Variants in VAV3 observed in about 807,000 individuals in gnomAD.
The protein encoded by VAV3 is vav guanine nucleotide exchange factor 3, also known as guanine nucleotide exchange factor VAV3.
Under a neutral mutation model 131.2 loss-of-function variants are expected in VAV3, and 94 were observed. The ratio of observed to expected loss-of-function variants is 0.72; its 90% CI spans 0.61 to 0.85. The LOEUF (loss-of-function observed/expected upper bound fraction) is 0.85. Among genes scored for constraint, VAV3 ranks in the 40% least tolerant of loss-of-function variants. VAV3 has a pLI of 0.00. For synonymous variants in VAV3, 349 were observed against 342.0 expected, an observed-to-expected ratio of 1.02 and a Z score of -0.22; for missense variants, 939 against 1,002.7, an observed-to-expected ratio of 0.94 and a Z score of 0.86.
At chr1:107,759,788 C>T (rs887703658) in intron 10 of VAV3, among the ~76,000 whole-genome samples, 2 of 151,928 alleles carry the variant, frequency 1.3e-5, no homozygotes, top group Non-Finnish European at 2.9e-5. Flanking sequence ...AAAAGCTGTA[C>T]CTTCTAAATT....
In VAV3 at chr1:107,910,820, A is replaced by G. The variant is rs577747483; in HGVS notation, c.205-35803T>C. On this transcript the variant is annotated intron_variant, in intron 1 of 26. Transcript: ENST00000370056. Reference sequence around the variant, plus strand: ...CATAGCAAAACCCCATCTCTACTAAAAATACTAAAATTAGCCGGGCATAAT... The same window carrying G: ...CATAGCAAAACCCCATCTCTACTAAGAATACTAAAATTAGCCGGGCATAAT... 5.9e-5 allele frequency among the ~76,000 whole-genome samples: 9 copies of G among 152,206 alleles called. No individual in the cohort carries two copies. The East Asian group carries it at 1.7e-3, about 30-fold the overall frequency.
At chr1:107,903,319 T>C (rs1671957736) in intron 1 of VAV3, among the ~76,000 whole-genome samples, 1 of 152,114 alleles carries the variant, frequency 6.6e-6, no homozygotes, top group South Asian at 2.1e-4. Context: ...ATCTTTGAAG[T>C]AATGAATGTA....
intron 15 of VAV3, among the ~76,000 whole-genome samples, chr1:107,738,480 C>G (rs1308463068): frequency 2.6e-5 from 4 of 152,168 alleles, no homozygotes; most frequent in Non-Finnish European, 5.9e-5. Context: ...GTGAAATGCA[C>G]AATACATAGT....
intron 11 of VAV3, among the ~76,000 whole-genome samples, chr1:107,756,977 A>C (rs1032285287): frequency 1.3e-5 from 2 of 152,032 alleles, no homozygotes; most frequent in Non-Finnish European, 2.9e-5. Flanking sequence ...TGATTTTAAT[A>C]TACTTCTTAG....
intron 19 of VAV3, chr1:107,668,886 T>C (rs971604633): frequency 2.0e-6 from 2 of 985,692 alleles, no homozygotes; most frequent in African/African-American, 3.5e-5. Context: ...CAGTATCTTA[T>C]TACAGAGGCA....
At chr1:107,643,205 T>C (rs1221198466) in intron 19 of VAV3, among the ~76,000 whole-genome samples, 2 of 152,180 alleles carry the variant, frequency 1.3e-5, no homozygotes, top group Non-Finnish European at 2.9e-5. Context: ...ATATGGATCA[T>C]ATCTTAAGGT....
rs928790633 is a variant in VAV3, at chr1:107,609,841, G to A, written c.2015+90C>T. The A allele has an allele frequency of 7.7e-6, 10 of 1,294,164 alleles. No homozygotes were observed. The East Asian group carries it at 1.9e-4, about 24-fold the overall frequency. 80.2% of individuals were successfully genotyped at this position (1,294,164 alleles called of 1,614,324 possible). On this transcript the variant is annotated intron_variant, in intron 22 of 26. Coordinates refer to ENST00000370056, the MANE Select transcript of VAV3 (RefSeq NM_006113.5). ...CCTTTAGCCGAGACAAATGGAAATG[G>A]AATATGGTTTACTACCCCCACATTT...
At chr1:107,759,486 GA>G (rs1664299356) in intron 10 of VAV3, among the ~76,000 whole-genome samples, 1 of 152,058 alleles carries the variant, frequency 6.6e-6, no homozygotes, top group African/African-American at 2.4e-5. Flanking sequence ...AGTCTAAACT[GA>G]TAACCACATT....
intron 22 of VAV3, among the ~76,000 whole-genome samples, chr1:107,607,902 T>C (rs1652421023): frequency 6.6e-6 from 1 of 152,222 alleles, no homozygotes; most frequent in African/African-American, 2.4e-5. Flanking sequence ...TACCATGCCA[T>C]CAAGCAAAGT....
chr1:107,828,365 A>G (rs1378053255), intron 2 of VAV3, among the ~76,000 whole-genome samples: 1 of 152,180 alleles, frequency 6.6e-6, no homozygotes, highest in Non-Finnish European at 1.5e-5. Context: ...CCTCTAACAT[A>G]GTGAGTATAT....
chr1:107,933,810 T>A (rs1673577755), intron 1 of VAV3, among the ~76,000 whole-genome samples: 1 of 69,092 alleles, frequency 1.4e-5, no homozygotes, highest in African/African-American at 4.2e-5. Flanking sequence ...AATGAGACCC[T>A]TCTCAAAAAA....
intron 2 of VAV3, among the ~76,000 whole-genome samples, chr1:107,780,433 A>G (rs1665626252): frequency 6.6e-6 from 1 of 152,152 alleles, no homozygotes; most frequent in Admixed American, 6.5e-5. Flanking sequence ...CCTTCCTTCA[A>G]TCTTTTGTCC....
chr1:107,805,814 C>T (rs1667032721), intron 2 of VAV3, among the ~76,000 whole-genome samples: 1 of 151,974 alleles, frequency 6.6e-6, no homozygotes, highest in Non-Finnish European at 1.5e-5. Flanking sequence ...TGTAATTTAC[C>T]TGTTACATTC....
At chr1:107,920,198 A>T (rs559330924) in intron 1 of VAV3, among the ~76,000 whole-genome samples, 3 of 152,338 alleles carry the variant, frequency 2.0e-5, no homozygotes, top group Non-Finnish European at 2.9e-5. Flanking sequence ...GCTGAACTAG[A>T]CTAACGTATA....
intron 20 of VAV3, among the ~76,000 whole-genome samples, chr1:107,637,841 A>G (rs1414418180): frequency 6.6e-6 from 1 of 152,214 alleles, no homozygotes; most frequent in African/African-American, 2.4e-5. Flanking sequence ...TATTACATGA[A>G]AATGAAACAA....
chr1:107,758,241 C>A (rs1664223191), intron 10 of VAV3, among the ~76,000 whole-genome samples: 2 of 152,056 alleles, frequency 1.3e-5, no homozygotes. Context: ...ATCCTCATTG[C>A]CACTAATTAG....
At chr1:107,574,554 C>T (rs1426101386) in intron 25 of VAV3, among the ~76,000 whole-genome samples, 1 of 152,184 alleles carries the variant, frequency 6.6e-6, no homozygotes, top group Non-Finnish European at 1.5e-5. Flanking sequence ...AAAATAATTT[C>T]ATCATACACT....
chr1:107,708,296 A>G (rs924131969), intron 15 of VAV3, among the ~76,000 whole-genome samples: 1 of 152,216 alleles, frequency 6.6e-6, no homozygotes, highest in Non-Finnish European at 1.5e-5. Flanking sequence ...TTGTCTATAG[A>G]TGAGTGCTGA....
chr1:107,914,731 G>A (rs937830840), intron 1 of VAV3, among the ~76,000 whole-genome samples: 1 of 152,142 alleles, frequency 6.6e-6, no homozygotes, highest in Non-Finnish European at 1.5e-5. Context: ...TCAGTAATGG[G>A]CTCATTTTAG....
Sources: allele counts gnomAD v4.1 joint callset (sites outside exome capture counted in the v4.1 genomes callset), GRCh38; gene constraint gnomAD v4.1.1; transcripts MANE v1.5; gene names NCBI Gene and HGNC (gene_info 2026-07-23, HGNC 2026-07-21).